The following EIF5B variants were observed in gnomAD, a reference collection of about 807,000 sequenced individuals.
EIF5B encodes the protein eukaryotic translation initiation factor 5B.
A neutral mutation model predicts 147.5 loss-of-function variants in EIF5B; 47 were observed. The observed-to-expected ratio is 0.32, with a 90% CI of 0.25 to 0.41. EIF5B has a LOEUF of 0.41. Ranked by LOEUF, EIF5B falls within the 10% of genes least tolerant of loss-of-function variation. The pLI is 1.00. For missense variants in EIF5B, 1,064 were observed against 1,413.2 expected (o/e 0.75, Z 3.96); for synonymous variants, 455 against 456.2 (o/e 1.00, Z 0.03).
chr2:99,341,083 G>A (rs899660883), intron 1 of EIF5B, among the ~76,000 whole-genome samples: 1 of 152,200 alleles, frequency 6.6e-6, no homozygotes, highest in Admixed American at 6.5e-5. Context: ...GTAATTCTAA[G>A]AATGAGATTT....
At chr2:99,383,048 CAGA>C (rs1674725216) in intron 14 of EIF5B, 127 bp downstream of exon 14, 1 of 1,045,980 alleles carries the variant, frequency 9.6e-7, no homozygotes, top group Non-Finnish European at 1.3e-6. Flanking sequence ...TTGTGCTTCA[CAGA>C]TATTGTGTGT....
chr2:99,375,419 C>T (rs931743229), intron 9 of EIF5B, among the ~76,000 whole-genome samples: 2 of 152,110 alleles, frequency 1.3e-5, no homozygotes, highest in Non-Finnish European at 2.9e-5. Flanking sequence ...TGGGGAGATC[C>T]TGTTTATTTC....
intron 22 of EIF5B, chr2:99,397,980 G>T (rs1412411502): frequency 6.6e-6 from 1 of 150,832 alleles, no homozygotes; most frequent in African/African-American, 2.4e-5. Flanking sequence ...TTGATACTCA[G>T]ATTTTCTATT....
chr2:99,378,062 G>A (rs924188135), intron 10 of EIF5B, among the ~76,000 whole-genome samples: 2 of 152,132 alleles, frequency 1.3e-5, no homozygotes. Flanking sequence ...GTACTGTGAG[G>A]TTGTCGGGTA....
chr2:99,394,228 G>T (rs369658604), intron 18 of EIF5B, 39 bp from the exon 19 acceptor site: 1 of 1,582,558 alleles, frequency 6.3e-7, no homozygotes, highest in South Asian at 1.2e-5. Flanking sequence ...GAGGATAGAG[G>T]TGTGTTGACA....
At chr2:99,345,669 G>T (rs1156901102) in intron 1 of EIF5B, among the ~76,000 whole-genome samples, 2 of 151,984 alleles carry the variant, frequency 1.3e-5, no homozygotes, top group Non-Finnish European at 2.9e-5. Flanking sequence ...GGTGGGCGGG[G>T]TGCGGTGGCT....
At chr2:99,345,961 G>T (rs977441968) in intron 1 of EIF5B, among the ~76,000 whole-genome samples, 3 of 144,704 alleles carry the variant, frequency 2.1e-5, no homozygotes, top group African/African-American at 7.6e-5. Context: ...AAAAAAAAAT[G>T]TGGTGAATTG....
At chr2:99,366,874 A>G (rs537596002) in intron 6 of EIF5B, among the ~76,000 whole-genome samples, 47 of 152,356 alleles carry the variant, frequency 3.1e-4, no homozygotes, top group African/African-American at 1.1e-3. Context: ...ATTGCCAGAA[A>G]GATAGACAAA....
At chr2:99,370,096 GC>G (rs1674413605) in intron 8 of EIF5B, among the ~76,000 whole-genome samples, 1 of 152,162 alleles carries the variant, frequency 6.6e-6, no homozygotes, top group East Asian at 1.9e-4. Flanking sequence ...TGCTTCAGAA[GC>G]AAATTGGAAG....
At chr2:99,395,873 T>TG (rs1393134309) in intron 21 of EIF5B, among the ~76,000 whole-genome samples, 1 of 151,884 alleles carries the variant, frequency 6.6e-6, no homozygotes, top group Non-Finnish European at 1.5e-5. Flanking sequence ...TCAGAGAGGG[T>TG]GGCAGGACCT....
chr2:99,356,357 A>G (rs972745907), intron 1 of EIF5B, among the ~76,000 whole-genome samples: 1 of 152,082 alleles, frequency 6.6e-6, no homozygotes, highest in African/African-American at 2.4e-5. Flanking sequence ...AGGAGTGGAA[A>G]ATTATGTTCC....
At chr2:99,364,738 A>G (rs911131073) in intron 6 of EIF5B, among the ~76,000 whole-genome samples, 2 of 152,182 alleles carry the variant, frequency 1.3e-5, no homozygotes, top group African/African-American at 2.4e-5. Flanking sequence ...ACCATTTGAC[A>G]TTCTTGTTTT....
chr2:99,397,667 C>T (rs1488493363), intron 22 of EIF5B: 1 of 152,264 alleles, frequency 6.6e-6, no homozygotes, highest in Non-Finnish European at 1.5e-5. Context: ...CTCTGATTTC[C>T]TGGGGAAAGT....
chr2:99,394,569 T>C lies in EIF5B; in HGVS notation c.3073T>C (p.Leu1025=). ...KKDVMKASVM[L]EHDPQYAVIL... ...AGATGTTATGAAGGCTTCAGTGATGTTGGAACATGACCCTCAGTAAGTAAT... is the reference window on the plus strand; with the variant it reads ...AGATGTTATGAAGGCTTCAGTGATGCTGGAACATGACCCTCAGTAAGTAAT... The change falls in exon 20 of 24, where the codon TTG becomes CTG. Residue 1025 remains leucine (L), a synonymous_variant. Transcript: ENST00000289371. The C allele has an allele frequency of 6.2e-7, 1 of 1,614,206 alleles. No homozygotes were observed.
chr2:99,385,807 A>G (rs1039727976), intron 14 of EIF5B, among the ~76,000 whole-genome samples: 1 of 152,204 alleles, frequency 6.6e-6, no homozygotes, highest in Non-Finnish European at 1.5e-5. Context: ...CAAATTTACA[A>G]CCACTGTCAT....
chr2:99,361,960 G>A (rs1674224552), intron 4 of EIF5B, 140 bp downstream of exon 4: 7 of 654,642 alleles, frequency 1.1e-5, no homozygotes, highest in South Asian at 4.8e-5. Flanking sequence ...AAAAAATTAC[G>A]TCTAAGTATT....
chr2:99,399,015 A>T, intron 23 of EIF5B, 106 bp downstream of exon 23: 1 of 1,307,930 alleles, frequency 7.6e-7, no homozygotes, highest in South Asian at 1.5e-5. Context: ...GTAGAATCTG[A>T]TGGGACTGGA....
chr2:99,344,251 C>T (rs1402363502), intron 1 of EIF5B, among the ~76,000 whole-genome samples: 4 of 152,062 alleles, frequency 2.6e-5, no homozygotes, highest in Non-Finnish European at 5.9e-5. Context: ...ATCTAGTTGT[C>T]CTAATACCAT....
chr2:99,349,650 T>C (rs1053618306), intron 1 of EIF5B, among the ~76,000 whole-genome samples: 1 of 152,240 alleles, frequency 6.6e-6, no homozygotes, highest in Non-Finnish European at 1.5e-5. Context: ...TTTATACAAC[T>C]GGAAAAATAC....
Sources: allele counts gnomAD v4.1 joint callset (sites outside exome capture counted in the v4.1 genomes callset), GRCh38; gene constraint gnomAD v4.1.1; transcripts MANE v1.5; gene names NCBI Gene and HGNC (gene_info 2026-07-23, HGNC 2026-07-21).